The following MTHFD1 variants were observed in gnomAD, a reference collection of about 807,000 sequenced individuals.
MTHFD1 encodes the protein C-1-tetrahydrofolate synthase, cytoplasmic.
MTHFD1 carries 44 observed loss-of-function variants against 110.3 expected under a neutral mutation model. The observed-to-expected ratio is 0.40, with a 90% CI of 0.31 to 0.51. The LOEUF is 0.51. MTHFD1 is among the 20% of genes least tolerant of loss of function. MTHFD1 has a pLI of 0.60. For missense variants in MTHFD1, 909 were observed against 1,173.1 expected (o/e 0.77, Z 3.29); for synonymous variants, 402 against 428.8 (o/e 0.94, Z 0.77).
intron 2 of MTHFD1, among the ~76,000 whole-genome samples, chr14:64,408,185 A>G (rs1221728666): frequency 6.6e-6 from 1 of 152,098 alleles, no homozygotes; most frequent in Admixed American, 6.6e-5. Flanking sequence ...GAAAGTTTGC[A>G]GACTCCTGGT....
intron 21 of MTHFD1, 49 bp from the exon 22 acceptor site, chr14:64,444,644 A>G (rs1198314566): frequency 1.3e-6 from 2 of 1,587,612 alleles, no homozygotes; most frequent in Non-Finnish European, 1.7e-6. Context: ...ATTTTAAGCT[A>G]GGAGATTTAA....
chr14:64,436,890 T>G (rs941275227), intron 16 of MTHFD1, among the ~76,000 whole-genome samples: 4 of 152,228 alleles, frequency 2.6e-5, no homozygotes, highest in Admixed American at 2.6e-4. Context: ...CAGTCATACC[T>G]ATTGACTAGC....
chr14:64,396,299 T>C (rs893709870), intron 1 of MTHFD1, among the ~76,000 whole-genome samples: 1 of 152,092 alleles, frequency 6.6e-6, no homozygotes, highest in Non-Finnish European at 1.5e-5. Context: ...CAATTTGAAA[T>C]ATATGTATTT....
rs950604912 is a variant in MTHFD1, at chr14:64,388,578, T to C, written c.41+110T>C. 3 of 995,064 alleles carry C rather than the reference T, an allele frequency of 3.0e-6. No individual in the cohort carries two copies. In the East Asian group the frequency reaches 7.5e-5, roughly 25 times the overall value. The allele number at this position is 995,064 out of a possible 1,614,324, so 61.6% of individuals were successfully genotyped here. A position where few individuals can be genotyped will look rare whatever the true frequency, so the allele number is the denominator to read the frequency against. On this transcript the variant is annotated intron_variant, in intron 1 of 27. Transcript: ENST00000652337. The stretch of plus-strand genomic sequence containing the variant: ...GGAGGGACACTTGTAGCGGAAGAGT[T>C]AGGCCCATAACACCTGAAGACCTGC...
chr14:64,401,827 G>A lies in MTHFD1; in HGVS notation c.126+950G>A, dbSNP rs145566068. Among the ~76,000 whole-genome samples the A allele has an allele frequency of 5.4e-3, 824 of 151,988 alleles. 8 individuals are homozygous for A. Among genetic ancestry groups the A allele is most frequent in the African/African-American group, 0.019 (778 of 41,448 alleles). On this transcript the variant is annotated intron_variant, in intron 2 of 27. Transcript: ENST00000652337. ...TATGGAACAAAAACTTTTTTAAAAA[G>A]AAAATTTAGTGAAAAGAGGGGCATT...
At chr14:64,397,549 T>A (rs1054960100) in intron 1 of MTHFD1, among the ~76,000 whole-genome samples, 1 of 152,156 alleles carries the variant, frequency 6.6e-6, no homozygotes. Context: ...TGCCTTGGCC[T>A]CCCAAAGTGC....
At chr14:64,415,938 A>G (rs2078022581) in intron 6 of MTHFD1, among the ~76,000 whole-genome samples, 199 bp downstream of exon 6, 1 of 152,102 alleles carries the variant, frequency 6.6e-6, no homozygotes, top group African/African-American at 2.4e-5. Flanking sequence ...TTATTGTTCA[A>G]CTGCTAAGAA....
At chr14:64,424,224 C>T (rs745551467) in intron 8 of MTHFD1, 1 of 166,738 alleles carries the variant, frequency 6.0e-6, no homozygotes, top group Non-Finnish European at 1.3e-5. Context: ...GTTTTGTTCT[C>T]TTGAATAGCT....
intron 15 of MTHFD1, among the ~76,000 whole-genome samples, chr14:64,433,233 T>G (rs941652291): frequency 3.9e-5 from 6 of 151,970 alleles, no homozygotes; most frequent in African/African-American, 1.5e-4. Context: ...GCAGTTCTCC[T>G]GCCTCAGCCT....
chr14:64,429,261 A>AACATATATATATATAT (rs11158541), intron 12 of MTHFD1, among the ~76,000 whole-genome samples: 2,367 of 108,230 alleles, frequency 0.022, 307 homozygotes, highest in African/African-American at 0.073. Context: ...TGTCTAAAAA[A>AACATATATATATATAT]ATATATATCT....
chr14:64,393,166 C>A (rs2093209), intron 1 of MTHFD1, among the ~76,000 whole-genome samples: 1 of 152,144 alleles, frequency 6.6e-6, no homozygotes, highest in Admixed American at 6.5e-5. Context: ...TTGGGAGGCC[C>A]AGGCAGGAGG....
chr14:64,454,133 G>A (rs761671395), intron 25 of MTHFD1, among the ~76,000 whole-genome samples: 2 of 152,164 alleles, frequency 1.3e-5, no homozygotes, highest in South Asian at 4.1e-4. Context: ...GTTATTTTGA[G>A]ATAGGGTCTG....
chr14:64,417,841 G>A lies in MTHFD1; in HGVS notation c.479-47G>A. 1.2e-6 allele frequency: 2 copies of A among 1,610,804 alleles called. No homozygotes were observed. The highest frequency in any genetic ancestry group is 1.7e-6 in the Non-Finnish European group (2 of 1,179,036). ...TTTCTCCACGTGGCATGCGAAGGAG[G>A]GCAGCTTCTATCCTCCAACTCTGAT... On this transcript the variant is annotated intron_variant, in intron 6 of 27. Coordinates refer to ENST00000652337, the MANE Select transcript of MTHFD1 (RefSeq NM_005956.4). The surrounding 1 kb of genome is among the most constrained non-coding windows in gnomAD (Gnocchi z 4.4).
intron 1 of MTHFD1, chr14:64,389,092 T>C (rs1296775334): frequency 6.5e-6 from 1 of 152,728 alleles, no homozygotes; most frequent in Non-Finnish European, 1.5e-5. Context: ...CCTCTGCCTG[T>C]TCTACCCTTG....
intron 2 of MTHFD1, among the ~76,000 whole-genome samples, chr14:64,401,564 G>A (rs1226886519): frequency 1.3e-5 from 2 of 152,072 alleles, no homozygotes; most frequent in African/African-American, 2.4e-5. Context: ...TTAGCTGGGC[G>A]TGGTGGTGGG....
chr14:64,458,883 T>C (rs970220542), intron 27 of MTHFD1, among the ~76,000 whole-genome samples: 1 of 152,198 alleles, frequency 6.6e-6, no homozygotes, highest in Non-Finnish European at 1.5e-5. Context: ...AGGCAGACCC[T>C]TGGGGCTGAA....
At position 64,417,709 on chromosome 14, in the gene MTHFD1, A is replaced by G. The variant is rs1422127397; in HGVS notation, c.479-179A>G. Among the ~76,000 whole-genome samples, 2 of 152,194 alleles carry G rather than the reference A, an allele frequency of 1.3e-5. No individual in the cohort carries two copies. The highest frequency in any genetic ancestry group is 2.9e-5 in the Non-Finnish European group (2 of 68,036). On this transcript the variant is annotated intron_variant, in intron 6 of 27. Coordinates refer to ENST00000652337, the MANE Select transcript of MTHFD1 (RefSeq NM_005956.4). This position sits in a 1 kb window ranked among gnomAD's most constrained non-coding sequence, Gnocchi z 4.4. ...CAGAAGGACACAAGTACAAGTCCCAATTTATAGCTGAAACCCTAGAGTTGA... is the reference window on the plus strand; with the variant it reads ...CAGAAGGACACAAGTACAAGTCCCAGTTTATAGCTGAAACCCTAGAGTTGA...
intron 21 of MTHFD1, among the ~76,000 whole-genome samples, chr14:64,443,318 A>G (rs1225938415): frequency 1.3e-5 from 2 of 152,234 alleles, no homozygotes; most frequent in Non-Finnish European, 2.9e-5. Flanking sequence ...GTAAACATAA[A>G]GAACTTTGTA....
At chr14:64,425,568 A>T (rs1295676463) in intron 9 of MTHFD1, among the ~76,000 whole-genome samples, 162 bp from the exon 10 acceptor site, 1 of 152,100 alleles carries the variant, frequency 6.6e-6, no homozygotes, top group African/African-American at 2.4e-5. Flanking sequence ...GCCCCAAAGC[A>T]TGTTAGGTGC....
Sources: allele counts gnomAD v4.1 joint callset (sites outside exome capture counted in the v4.1 genomes callset), GRCh38; gene constraint gnomAD v4.1.1; non-coding constraint Gnocchi (gnomAD v3.1); transcripts MANE v1.5; gene names NCBI Gene and HGNC (gene_info 2026-07-23, HGNC 2026-07-21).